MORN1: variants seen among roughly 807,000 people sequenced by gnomAD.
MORN1 encodes the protein MORN repeat-containing protein 1.
MORN1 carries 67 observed loss-of-function variants against 61.9 expected under a neutral mutation model. The ratio of observed to expected loss-of-function variants is 1.08; its 90% CI spans 0.89 to 1.33. MORN1 has a LOEUF of 1.33. MORN1 is among the 40% of genes most tolerant of loss of function. The pLI, the probability that MORN1 is intolerant of heterozygous loss-of-function variation, is 0.00. For missense variants in MORN1, 752 were observed against 691.2 expected (o/e 1.09, Z -0.99); for synonymous variants, 301 against 292.0 (o/e 1.03, Z -0.31).
chr1:2,329,929 T>C (rs1641114593), intron 12 of MORN1, among the ~76,000 whole-genome samples: 1 of 152,132 alleles, frequency 6.6e-6, no homozygotes, highest in Non-Finnish European at 1.5e-5. Context: ...GTTTGTGTGT[T>C]TATGGCGGAG....
chr1:2,350,506 C>G (rs535254908), intron 10 of MORN1: 1 of 152,368 alleles, frequency 6.6e-6, no homozygotes, highest in South Asian at 2.1e-4. Flanking sequence ...GGAAAGATGC[C>G]TGGGACCCCA....
intron 4 of MORN1, chr1:2,386,343 G>T (rs963003488): frequency 6.2e-6 from 1 of 162,244 alleles, no homozygotes; most frequent in African/African-American, 2.4e-5. Context: ...AAACTCAAAA[G>T]AGGATGGGGG....
Position 2,378,745 on chromosome 1 carries a change from C to G in MORN1, c.538-4188G>C, listed in dbSNP as rs1475595227. ...TGCTCCGTCTCCCACCGAGGATGTT[C>G]TGGAGGACGTGTGGGGCCTGCCCAA... On this transcript the variant is annotated intron_variant, in intron 6 of 13. Coordinates refer to ENST00000378531, the MANE Select transcript of MORN1 (RefSeq NM_024848.3). The G allele has an allele frequency of 3.9e-5, 14 of 362,182 alleles. No homozygotes were observed. In the East Asian group the frequency reaches 8.8e-4, roughly 23 times the overall value. The allele number at this position is 362,182 out of a possible 1,614,324, so 22.4% of individuals were successfully genotyped here. A position where few individuals can be genotyped will look rare whatever the true frequency, so the allele number is the denominator to read the frequency against.
At position 2,363,805 on chromosome 1, in the gene MORN1, C is replaced by CAAACAAAA. The variant is rs140866260; in HGVS notation, c.746-5091_746-5090insTTTTGTTT. Among the ~76,000 whole-genome samples the CAAACAAAA allele has an allele frequency of 3.2e-3, 399 of 124,832 alleles. 3 individuals are homozygous for CAAACAAAA. Among genetic ancestry groups the CAAACAAAA allele is most frequent in the South Asian group, 0.03 (111 of 3,676 alleles). 81.9% of individuals were successfully genotyped at this position (124,832 alleles called of 152,430 possible). A position where few individuals can be genotyped will look rare whatever the true frequency, so the allele number is the denominator to read the frequency against. On this transcript the variant is annotated intron_variant, in intron 8 of 13. Coordinates refer to ENST00000378531, the MANE Select transcript of MORN1 (RefSeq NM_024848.3). ...TTAGAAAAACAAACAAACAAACAAA[C>CAAACAAAA]AAAAAAATATATATATATATAAAAA...
chr1:2,345,326 G>A (rs1047673773), intron 10 of MORN1, among the ~76,000 whole-genome samples: 4 of 152,236 alleles, frequency 2.6e-5, no homozygotes, highest in Admixed American at 1.3e-4. Flanking sequence ...CCACCCGCTG[G>A]GGCAGCAGCC....
intron 6 of MORN1, among the ~76,000 whole-genome samples, chr1:2,381,111 C>G (rs192365017): frequency 6.6e-6 from 1 of 152,372 alleles, no homozygotes; most frequent in Admixed American, 6.5e-5. Context: ...TCCTCATTAT[C>G]CAGAGTCCAA....
intron 12 of MORN1, among the ~76,000 whole-genome samples, chr1:2,331,113 G>A (rs1641139297): frequency 6.6e-6 from 1 of 152,278 alleles, no homozygotes; most frequent in East Asian, 1.9e-4. Flanking sequence ...CCCACTACAG[G>A]GAGGGCCATC....
chr1:2,332,305 A>C (rs2100242664), intron 12 of MORN1: 1 of 291,046 alleles, frequency 3.4e-6, no homozygotes, highest in East Asian at 1.0e-4. Context: ...TCTGAGGGAC[A>C]GGGGGCTCCC....
intron 12 of MORN1, 58 bp from the exon 13 acceptor site, chr1:2,324,201 C>T (rs1002587305): frequency 2.0e-6 from 3 of 1,526,798 alleles, no homozygotes; most frequent in East Asian, 2.4e-5. Context: ...GACGACATGG[C>T]ATCCCTGACC....
chr1:2,323,765 G>C (rs1640935295), intron 13 of MORN1: 2 of 985,320 alleles, frequency 2.0e-6, no homozygotes, highest in Non-Finnish European at 2.4e-6. Flanking sequence ...GGCCTTGACA[G>C]CTCCCCTCGG....
At chr1:2,384,177 C>G (rs1642434742) in intron 6 of MORN1, among the ~76,000 whole-genome samples, 1 of 152,200 alleles carries the variant, frequency 6.6e-6, no homozygotes, top group Admixed American at 6.5e-5. Flanking sequence ...GCTTCTGCCT[C>G]CTGACTGTGT....
chr1:2,383,797 G>A (rs1196424419), intron 6 of MORN1, among the ~76,000 whole-genome samples: 1 of 152,212 alleles, frequency 6.6e-6, no homozygotes, highest in Non-Finnish European at 1.5e-5. Flanking sequence ...GGGTTTCTGA[G>A]GCTCTCAATT....
chr1:2,383,747 G>A (rs12032507), intron 6 of MORN1, among the ~76,000 whole-genome samples: 3,892 of 152,310 alleles, frequency 0.026, 139 homozygotes, highest in South Asian at 0.13. Context: ...TGCAGTCATG[G>A]TCATCTTCGT....
chr1:2,366,305 C>T (rs1264023845), intron 8 of MORN1, among the ~76,000 whole-genome samples: 2 of 126,258 alleles, frequency 1.6e-5, no homozygotes, highest in African/African-American at 3.0e-5. Context: ...GGAAGGGGAA[C>T]ATCACACTCT....
chr1:2,390,343 G>C (rs906489756), intron 1 of MORN1: 1 of 885,080 alleles, frequency 1.1e-6, no homozygotes, highest in Non-Finnish European at 1.4e-6. Flanking sequence ...GGAGATGAGT[G>C]AGCCAGGGGA....
Position 2,336,804 on chromosome 1 carries a change from C to T in MORN1, c.1083G>A (p.Glu361=), listed in dbSNP as rs1169993371. The part of the protein sequence containing the change: ...PHCPGACQRV[E]QGCAEFTDVL... The stretch of plus-strand genomic sequence containing the variant: ...CATCTGTGAACTCGGCACAGCCCTG[C>T]TCCACTCGCTGACAGGCCCCGGGAC... The change falls in exon 11 of 14, where the codon GAG becomes GAA. Residue 361 remains glutamate (E), a synonymous_variant. Coordinates refer to ENST00000378531, the MANE Select transcript of MORN1 (RefSeq NM_024848.3). The T allele has an allele frequency of 5.0e-6, 8 of 1,602,314 alleles. No homozygotes were observed. The highest frequency in any genetic ancestry group is 6.8e-6 in the Non-Finnish European group (8 of 1,175,258).
At chr1:2,345,875 A>G (rs1641504576) in intron 10 of MORN1, among the ~76,000 whole-genome samples, 2 of 150,458 alleles carry the variant, frequency 1.3e-5, no homozygotes, top group African/African-American at 2.5e-5. Flanking sequence ...TCTTATCTCT[A>G]TGACGCACAC....
chr1:2,334,748 A>G lies in MORN1; in HGVS notation c.1250+1721T>C, dbSNP rs543367951. Reference sequence around the variant, plus strand: ...GTCCAACGACACTTAACTCGAGGACAGTGCGAGCCCTTTGGCTGGGAGGCC... The same window carrying G: ...GTCCAACGACACTTAACTCGAGGACGGTGCGAGCCCTTTGGCTGGGAGGCC... On this transcript the variant is annotated intron_variant, in intron 12 of 13. Coordinates refer to ENST00000378531, the MANE Select transcript of MORN1 (RefSeq NM_024848.3). The surrounding 1 kb of genome is among the most constrained non-coding windows in gnomAD (Gnocchi z 5.4). Among the ~76,000 whole-genome samples the G allele has an allele frequency of 6.6e-6, 1 of 152,366 alleles. No homozygotes were observed. Among genetic ancestry groups the G allele is most frequent in the East Asian group, 1.9e-4 (1 of 5,182 alleles).
intron 12 of MORN1, 86 bp from the exon 13 acceptor site, chr1:2,324,229 C>A (rs1203229509): frequency 7.1e-7 from 1 of 1,407,084 alleles, no homozygotes; most frequent in African/African-American, 1.4e-5. Flanking sequence ...GGGCTAGTGG[C>A]TCCAGGGCAG....
Sources: allele counts gnomAD v4.1 joint callset (sites outside exome capture counted in the v4.1 genomes callset), GRCh38; gene constraint gnomAD v4.1.1; non-coding constraint Gnocchi (gnomAD v3.1); transcripts MANE v1.5; gene names NCBI Gene and HGNC (gene_info 2026-07-23, HGNC 2026-07-21).